The following ZFHX3 variants were observed in gnomAD, a reference collection of about 807,000 sequenced individuals.
ZFHX3 encodes the protein zinc finger homeobox 3.
Under a neutral mutation model 279.1 loss-of-function variants are expected in ZFHX3, and 42 were observed. The observed-to-expected ratio is 0.15, with a 90% CI of 0.12 to 0.19. The LOEUF (loss-of-function observed/expected upper bound fraction) is 0.19. Among genes scored for constraint, ZFHX3 ranks in the 10% least tolerant of loss-of-function variants. The pLI, the probability that ZFHX3 is intolerant of heterozygous loss-of-function variation, is 1.00. For synonymous variants in ZFHX3, 2,293 were observed against 1,957.8 expected (o/e 1.17, Z -4.52); for missense variants, 4,981 against 4,754.0 (o/e 1.05, Z -1.40).
rs149192761 is a variant in ZFHX3, at chr16:73,113,315, A to G, written c.-897+17653T>C. Among the ~76,000 whole-genome samples, 15 of 152,338 alleles carry G rather than the reference A, an allele frequency of 9.8e-5. No individual in the cohort carries two copies. The East Asian group carries it at 2.1e-3, about 22-fold the overall frequency. ...AATATAAGATCTTTCACCACGTCCC[A>G]GAGGTCAATAAACTGGCCTGGGAAA... On this transcript the variant is annotated intron_variant, in intron 7 of 17. Coordinates refer to the ZFHX3 transcript ENST00000641206.
At position 72,958,482 on chromosome 16, in the gene ZFHX3, G is replaced by A. The variant is rs756588941; in HGVS notation, c.1664C>T (p.Ala555Val). The change falls in exon 2 of 10, where the codon GCT (alanine) becomes GTT (valine). Residue 555 changes from alanine to valine, a missense_variant. By Grantham distance (64) the Ala-to-Val change is moderately conservative. Coordinates refer to ENST00000268489, the MANE Select transcript of ZFHX3 (RefSeq NM_006885.4). ...ACCATCAAAGACAACAAAGGAAGAA[G>A]CAGAATTAGAACTAGTAGAAGCTGT... is the stretch of plus-strand genomic sequence containing the variant. ...RGTASTSSNS[A>V]SSFVVFDGAN... 6 of 1,613,956 alleles carry A rather than the reference G, an allele frequency of 3.7e-6. No individual in the cohort carries two copies. In the African/African-American group the frequency reaches 6.7e-5, roughly 18 times the overall value.
rs1253305323 is a variant in ZFHX3, at chr16:73,890,699, C to CGTTA, written c.-1608+948_-1608+951dup. 9.3e-4 allele frequency among the ~76,000 whole-genome samples: 141 copies of CGTTA among 152,230 alleles called. 1 individual carries two copies. The highest frequency in any genetic ancestry group is 6.9e-4 in the Non-Finnish European group (47 of 68,020). ...AATTAGTCATCTTCTCTTTCCTGTACGTTACATCGTCCTATTTAAATAAAA... is the reference window on the plus strand; with the variant it reads ...AATTAGTCATCTTCTCTTTCCTGTACGTTAGTTACATCGTCCTATTTAAATAAAA... On this transcript the variant is annotated intron_variant, in intron 1 of 17. Coordinates refer to the ZFHX3 transcript ENST00000641206.
intron 1 of ZFHX3, among the ~76,000 whole-genome samples, chr16:73,862,381 A>G (rs565860867): frequency 3.8e-4 from 58 of 152,358 alleles, no homozygotes; most frequent in African/African-American, 1.1e-3. Context: ...TCTTGGTTAC[A>G]TGCTTGACAC....
chr16:73,652,088 A>G (rs1460248637), intron 2 of ZFHX3, among the ~76,000 whole-genome samples: 1 of 152,078 alleles, frequency 6.6e-6, no homozygotes, highest in Non-Finnish European at 1.5e-5. Flanking sequence ...GATGTCATAC[A>G]CACACCAAGA....
intron 1 of ZFHX3, among the ~76,000 whole-genome samples, chr16:73,055,140 T>A (rs908159361): frequency 4.6e-5 from 7 of 151,976 alleles, no homozygotes; most frequent in African/African-American, 1.7e-4. Context: ...TTTTTTTTTT[T>A]AATAGTTTGT....
At chr16:73,638,767 A>C (rs1013624503) in intron 2 of ZFHX3, among the ~76,000 whole-genome samples, 3 of 152,348 alleles carry the variant, frequency 2.0e-5, no homozygotes, top group Admixed American at 6.5e-5. Context: ...TGCCACAAAT[A>C]TAAAAGGTAT....
chr16:72,983,721 A>G (rs1025100909), intron 1 of ZFHX3, among the ~76,000 whole-genome samples: 2 of 113,182 alleles, frequency 1.8e-5, no homozygotes, highest in Non-Finnish European at 4.5e-5. Context: ...AAAAAAAAAG[A>G]GAGAGAGAGA....
In ZFHX3 at chr16:73,215,684, G is replaced by A. The variant is rs117197440; in HGVS notation, c.-1104+41363C>T. Among the ~76,000 whole-genome samples, 1,303 of 151,948 alleles carry A rather than the reference G, an allele frequency of 8.6e-3. 25 individuals carry two copies. The highest frequency in any genetic ancestry group is 0.029 in the African/African-American group (1,216 of 41,248). On this transcript the variant is annotated intron_variant, in intron 5 of 17. Transcript: ENST00000641206. ...TCCACCCCTAGCTTGTCCTCCCCCC[G>A]ATGCTGAATGAATCACTGTTCACAA...
At chr16:72,986,044 C>A (rs1962826333) in intron 1 of ZFHX3, among the ~76,000 whole-genome samples, 1 of 151,962 alleles carries the variant, frequency 6.6e-6, no homozygotes, top group South Asian at 2.1e-4. Context: ...TTTTAACCAC[C>A]CCCCACCCCG....
chr16:73,158,568 C>G (rs936747437), intron 5 of ZFHX3, among the ~76,000 whole-genome samples: 6 of 151,988 alleles, frequency 3.9e-5, no homozygotes, highest in African/African-American at 1.5e-4. Flanking sequence ...CAGCATAAAC[C>G]AACATTGACC....
At chr16:73,519,524 G>T (rs1209447250) in intron 2 of ZFHX3, among the ~76,000 whole-genome samples, 1 of 151,950 alleles carries the variant, frequency 6.6e-6, no homozygotes, top group Non-Finnish European at 1.5e-5. Flanking sequence ...ATGTACCTTT[G>T]AGCTTTGTAC....
chr16:73,817,543 T>A (rs939412368), intron 1 of ZFHX3, among the ~76,000 whole-genome samples: 1 of 152,134 alleles, frequency 6.6e-6, no homozygotes, highest in Admixed American at 6.5e-5. Context: ...GACAGAGAGA[T>A]TGGGAAGTTC....
At chr16:73,810,617 A>G (rs1233786252) in intron 1 of ZFHX3, among the ~76,000 whole-genome samples, 1 of 152,324 alleles carries the variant, frequency 6.6e-6, no homozygotes, top group East Asian at 1.9e-4. Context: ...CCTATAAATT[A>G]TGGCATTTAT....
intron 3 of ZFHX3, among the ~76,000 whole-genome samples, chr16:73,396,033 C>A (rs1194752017): frequency 6.6e-6 from 1 of 152,206 alleles, no homozygotes; most frequent in African/African-American, 2.4e-5. Flanking sequence ...AATCATCACC[C>A]TACCTGGAAT....
intron 1 of ZFHX3, among the ~76,000 whole-genome samples, chr16:73,682,892 A>AAGGAGGGAGGGAGGG (rs2053029486): frequency 3.5e-5 from 1 of 28,334 alleles, no homozygotes; most frequent in Non-Finnish European, 7.1e-5. Context: ...GAAAGAAAGA[A>AAGGAGGGAGGGAGGG]AGAAAGAAAG....
chr16:73,299,126 G>C (rs2014994790), intron 4 of ZFHX3, among the ~76,000 whole-genome samples: 1 of 152,292 alleles, frequency 6.6e-6, no homozygotes, highest in South Asian at 2.1e-4. Context: ...CCAGCCCCTA[G>C]AGTCACATAC....
intron 3 of ZFHX3, among the ~76,000 whole-genome samples, chr16:73,326,985 C>A (rs534772145): frequency 6.6e-6 from 1 of 152,168 alleles, no homozygotes; most frequent in Non-Finnish European, 1.5e-5. Flanking sequence ...CATAAACATT[C>A]CTGGGGATAA....
chr16:73,808,669 G>A (rs955515817), intron 1 of ZFHX3, among the ~76,000 whole-genome samples: 5 of 152,180 alleles, frequency 3.3e-5, no homozygotes, highest in African/African-American at 9.7e-5. Context: ...GCTTGAAGCA[G>A]ACACCCTTGA....
chr16:73,681,838 C>T (rs2053013169), intron 1 of ZFHX3, among the ~76,000 whole-genome samples: 1 of 152,156 alleles, frequency 6.6e-6, no homozygotes, highest in Non-Finnish European at 1.5e-5. Context: ...CTAAGATAAG[C>T]CCCTGCTTAG....
Sources: gnomAD v4.1 joint callset for allele counts (sites outside exome capture counted in the v4.1 genomes callset) on GRCh38, gnomAD v4.1.1 for gene constraint, MANE v1.5 for transcripts, NCBI Gene and HGNC (gene_info 2026-07-23, HGNC 2026-07-21) for gene names.